NRXN1: variants seen among roughly 807,000 people sequenced by gnomAD.
NRXN1 encodes neurexin 1, also known as neurexin-1.
In NRXN1, 39 loss-of-function variants were observed where a neutral mutation model predicts 150.9. The ratio of observed to expected loss-of-function variants is 0.26; its 90% CI spans 0.20 to 0.34. The LOEUF is 0.34. NRXN1 is among the 10% of genes least tolerant of loss of function. The pLI is 1.00. For missense variants in NRXN1, 1,815 were observed against 1,949.9 expected, an observed-to-expected ratio of 0.93 and a Z score of 1.30; for synonymous variants, 924 against 757.0, an observed-to-expected ratio of 1.22 and a Z score of -3.62.
chr2:50,064,582 A>G (rs1259950236), intron 19 of NRXN1, among the ~76,000 whole-genome samples: 1 of 152,162 alleles, frequency 6.6e-6, no homozygotes, highest in Non-Finnish European at 1.5e-5. Flanking sequence ...TATCATCTCC[A>G]AGACTATATT....
chr2:50,339,789 A>C lies in NRXN1; in HGVS notation c.3365-102819T>G, dbSNP rs530891561. ...TTCCTACTTACTGACTAAGTACCAC[A>C]AGGTAATATTAGATAAAATTCCTTC... On this transcript the variant is annotated intron_variant, in intron 17 of 22. Coordinates refer to ENST00000401669, the MANE Select transcript of NRXN1 (RefSeq NM_001330078.2). 7.9e-5 allele frequency among the ~76,000 whole-genome samples: 12 copies of C among 152,298 alleles called. No individual in the cohort carries two copies. The South Asian group carries it at 1.7e-3, about 21-fold the overall frequency.
Position 50,630,353 on chromosome 2 carries a change from G to C in NRXN1, c.833-6738C>G, listed in dbSNP as rs145618907. 2.7e-3 allele frequency among the ~76,000 whole-genome samples: 406 copies of C among 151,720 alleles called. 3 individuals carry two copies. Among genetic ancestry groups the C allele is most frequent in the Non-Finnish European group, 5.2e-3 (349 of 67,644 alleles). On this transcript the variant is annotated intron_variant, in intron 5 of 22. Coordinates refer to ENST00000401669, the MANE Select transcript of NRXN1 (RefSeq NM_001330078.2). ...ATTTCTACTTTACGGGAAAAAAAAT[G>C]TTAAACAAAGATAGGTTAAATGACT...
At chr2:50,452,664 G>A (rs1332915299) in intron 17 of NRXN1, among the ~76,000 whole-genome samples, 2 of 152,136 alleles carry the variant, frequency 1.3e-5, no homozygotes, top group Non-Finnish European at 2.9e-5. Flanking sequence ...TACAAACATG[G>A]GGAATGTTTT....
intron 1 of NRXN1, among the ~76,000 whole-genome samples, chr2:51,030,032 C>T (rs1161376644): frequency 6.6e-6 from 1 of 152,104 alleles, no homozygotes; most frequent in Admixed American, 6.6e-5. Flanking sequence ...GAATCACTCA[C>T]TATACTATTA....
At chr2:50,281,440 T>A (rs1021300648) in intron 17 of NRXN1, among the ~76,000 whole-genome samples, 3 of 152,116 alleles carry the variant, frequency 2.0e-5, no homozygotes, top group African/African-American at 7.2e-5. Flanking sequence ...AACAAAACCC[T>A]CTGCTTGGAT....
chr2:50,431,275 A>G (rs926004314), intron 17 of NRXN1, among the ~76,000 whole-genome samples: 2 of 152,174 alleles, frequency 1.3e-5, no homozygotes, highest in African/African-American at 4.8e-5. Flanking sequence ...TGGCTTACCT[A>G]TTCGTTTCCC....
chr2:50,184,794 T>C (rs571053545), intron 18 of NRXN1, among the ~76,000 whole-genome samples: 1 of 152,042 alleles, frequency 6.6e-6, no homozygotes, highest in Non-Finnish European at 1.5e-5. Context: ...ATTTTACAAG[T>C]ATTAACTCCT....
intron 2 of NRXN1, among the ~76,000 whole-genome samples, chr2:50,990,076 T>A (rs1278925431): frequency 2.2e-4 from 33 of 152,038 alleles, no homozygotes; most frequent in Non-Finnish European, 7.4e-5. Context: ...TGACTAATGA[T>A]GTTGAGCATC....
chr2:50,161,303 A>C (rs2059350390), intron 18 of NRXN1, among the ~76,000 whole-genome samples: 1 of 152,182 alleles, frequency 6.6e-6, no homozygotes, highest in Non-Finnish European at 1.5e-5. Flanking sequence ...CATTATGAGG[A>C]AAATAAGGTA....
At chr2:50,429,568 A>G (rs542547729) in intron 17 of NRXN1, among the ~76,000 whole-genome samples, 2 of 144,916 alleles carry the variant, frequency 1.4e-5, no homozygotes, top group African/African-American at 5.2e-5. Context: ...TAATATTCTC[A>G]AAATTTTAAT....
intron 17 of NRXN1, among the ~76,000 whole-genome samples, chr2:50,320,283 C>CATATACT (rs2075921306): frequency 2.3e-5 from 1 of 43,040 alleles, no homozygotes; most frequent in African/African-American, 5.9e-5. Flanking sequence ...ATACCTCAAT[C>CATATACT]ATATATATAT....
At chr2:49,948,652 A>C (rs993923417) in intron 21 of NRXN1, among the ~76,000 whole-genome samples, 4 of 151,898 alleles carry the variant, frequency 2.6e-5, no homozygotes, top group African/African-American at 9.7e-5. Flanking sequence ...TTAACTGCAC[A>C]ATTTTCTAGC....
intron 15 of NRXN1, among the ~76,000 whole-genome samples, chr2:50,472,844 A>AGTGTGTGTGT (rs2089651619): frequency 7.8e-6 from 1 of 128,912 alleles, no homozygotes; most frequent in African/African-American, 3.3e-5. Flanking sequence ...TATATATATA[A>AGTGTGTGTGT]GTTTCTCTGA....
intron 17 of NRXN1, among the ~76,000 whole-genome samples, chr2:50,365,301 A>G (rs2079509927): frequency 6.6e-6 from 1 of 152,050 alleles, no homozygotes; most frequent in South Asian, 2.1e-4. Flanking sequence ...GTAGCAGAAA[A>G]CTACTCTGAA....
At chr2:50,179,649 C>A (rs2060575712) in intron 18 of NRXN1, among the ~76,000 whole-genome samples, 1 of 152,086 alleles carries the variant, frequency 6.6e-6, no homozygotes, top group African/African-American at 2.4e-5. Context: ...AACATGCTAC[C>A]AATCTATGAC....
At chr2:50,137,590 G>T (rs1706612738) in intron 18 of NRXN1, among the ~76,000 whole-genome samples, 1 of 151,776 alleles carries the variant, frequency 6.6e-6, no homozygotes, top group African/African-American at 2.4e-5. Context: ...CTAGAGTCAG[G>T]ACAAAACTTC....
chr2:50,686,865 C>G (rs1327430232), intron 5 of NRXN1, among the ~76,000 whole-genome samples: 1 of 152,136 alleles, frequency 6.6e-6, no homozygotes, highest in African/African-American at 2.4e-5. Flanking sequence ...AATTAATGTC[C>G]TCAGAGTGCC....
intron 17 of NRXN1, among the ~76,000 whole-genome samples, chr2:50,439,691 C>T (rs1334954262): frequency 6.6e-6 from 1 of 151,672 alleles, no homozygotes; most frequent in Non-Finnish European, 1.5e-5. Flanking sequence ...GTGGCGGGTA[C>T]CTGTAGTCCC....
At chr2:50,582,478 C>CAAAAAAAAAA (rs56941425) in intron 8 of NRXN1, among the ~76,000 whole-genome samples, 1 of 44,222 alleles carries the variant, frequency 2.3e-5, no homozygotes, top group African/African-American at 1.1e-4. Context: ...GACTCGTCTC[C>CAAAAAAAAAA]AAAAAAAAAA....
Sources: allele counts gnomAD v4.1 joint callset (sites outside exome capture counted in the v4.1 genomes callset), GRCh38; gene constraint gnomAD v4.1.1; transcripts MANE v1.5; gene names NCBI Gene and HGNC (gene_info 2026-07-23, HGNC 2026-07-21).